Variants in DGCR2 observed in about 807,000 individuals in gnomAD.
The protein encoded by DGCR2 is integral membrane protein DGCR2/IDD.
Under a neutral mutation model 51.6 loss-of-function variants are expected in DGCR2, and 24 were observed. That is an observed-to-expected ratio of 0.47 (90% CI 0.34 to 0.65). DGCR2 has a LOEUF of 0.65. Among genes scored for constraint, DGCR2 ranks in the 30% least tolerant of loss-of-function variants. The pLI is 0.01. For synonymous variants in DGCR2, 340 were observed against 315.4 expected, an observed-to-expected ratio of 1.08 and a Z score of -0.82; for missense variants, 765 against 772.1, an observed-to-expected ratio of 0.99 and a Z score of 0.11.
chr22:19,057,187 C>A lies in DGCR2; in HGVS notation c.626-25G>T. The A allele has an allele frequency of 6.3e-7, 1 of 1,575,570 alleles. No individual in the cohort carries two copies. ...CCTGTTGGGGAGACAAAAGGTGGGG[C>A]TGGACAACATCACATCAGAGGACAA... On this transcript the variant is annotated intron_variant, in intron 5 of 9. Coordinates refer to ENST00000263196, the MANE Select transcript of DGCR2 (RefSeq NM_005137.3). The surrounding 1 kb of genome is among the most constrained non-coding windows in gnomAD (Gnocchi z 5.1).
intron 1 of DGCR2, among the ~76,000 whole-genome samples, chr22:19,100,477 A>G (rs772462926): frequency 1.3e-5 from 2 of 151,968 alleles, no homozygotes; most frequent in African/African-American, 2.4e-5. Context: ...CATCCTGGCT[A>G]ACATGGTGAA....
chr22:19,042,704 A>G (rs1332938592), intron 7 of DGCR2, among the ~76,000 whole-genome samples: 1 of 152,206 alleles, frequency 6.6e-6, no homozygotes, highest in Non-Finnish European at 1.5e-5. Flanking sequence ...GGGTAGTGAC[A>G]GACTGGGAGA....
chr22:19,050,958 G>A (rs906386491), intron 6 of DGCR2, among the ~76,000 whole-genome samples: 6 of 152,132 alleles, frequency 3.9e-5, no homozygotes, highest in Admixed American at 3.3e-4. Context: ...TGAGGCCGAG[G>A]TAGGTGGATC....
intron 2 of DGCR2, among the ~76,000 whole-genome samples, chr22:19,072,665 G>A (rs988241070): frequency 2.0e-5 from 3 of 152,158 alleles, no homozygotes; most frequent in South Asian, 2.1e-4. Context: ...ACAAGGTAAA[G>A]AGATCAAGAC....
In DGCR2 at chr22:19,122,371, T is replaced by C. The variant is rs952339354; in HGVS notation, c.-165A>G. 17 of 500,684 alleles carry C rather than the reference T, an allele frequency of 3.4e-5. No individual in the cohort carries two copies. The highest frequency in any genetic ancestry group is 1.6e-4 in the African/African-American group (8 of 48,676). 31.0% of individuals were successfully genotyped at this position (500,684 alleles called of 1,614,324 possible). On this transcript the variant is annotated 5_prime_UTR_variant, in exon 1 of 10. Coordinates refer to ENST00000263196, the MANE Select transcript of DGCR2 (RefSeq NM_005137.3). ...CTGGGCCGCGGGCTGGCGCACACTC[T>C]CGGCTGCAACCTCAGGCACCGACTC...
intron 1 of DGCR2, among the ~76,000 whole-genome samples, chr22:19,120,462 T>C (rs528426387): frequency 6.6e-6 from 1 of 152,318 alleles, no homozygotes; most frequent in African/African-American, 2.4e-5. Flanking sequence ...GAGGGGCTTG[T>C]TCTTGTCACT....
At chr22:19,116,743 G>A (rs917631817) in intron 1 of DGCR2, among the ~76,000 whole-genome samples, 2 of 152,040 alleles carry the variant, frequency 1.3e-5, no homozygotes, top group Non-Finnish European at 2.9e-5. Context: ...AATGCCAATC[G>A]GGTCGTCCTT....
In DGCR2 at chr22:19,119,993, G is replaced by A. The variant is rs565053753; in HGVS notation, c.79+2135C>T. On this transcript the variant is annotated intron_variant, in intron 1 of 9. Transcript: ENST00000263196. ...ACAGAAAGAACGCAGACTAAGACCA[G>A]AGAAGCCCCAGCCTCTTGCAAGCAC... Among the ~76,000 whole-genome samples the A allele has an allele frequency of 3.7e-3, 567 of 152,216 alleles. 2 individuals are homozygous for A. The highest frequency in any genetic ancestry group is 6.5e-3 in the Non-Finnish European group (443 of 68,014).
rs776069022 is a variant in DGCR2, at chr22:19,089,317, C to T, written c.202+51G>A. 9.2e-6 allele frequency: 14 copies of T among 1,513,520 alleles called. No homozygotes were observed. The Admixed American group carries it at 2.7e-4, about 29-fold the overall frequency. 93.8% of individuals were successfully genotyped at this position (1,513,520 alleles called of 1,614,324 possible). A position where few individuals can be genotyped will look rare whatever the true frequency, so the allele number is the denominator to read the frequency against. On this transcript the variant is annotated intron_variant, in intron 2 of 9. Transcript: ENST00000263196. The stretch of plus-strand genomic sequence containing the variant: ...CCTCACAAGAGGCACAGTCACCCAG[C>T]TACAACAAAGAGACAAGGTGGTGTG...
chr22:19,048,404 G>A, intron 7 of DGCR2, 36 bp downstream of exon 7: 8 of 1,610,688 alleles, frequency 5.0e-6, no homozygotes, highest in Non-Finnish European at 5.9e-6. Flanking sequence ...CCCCAAATAG[G>A]GAGGCTGACT....
At position 19,066,425 on chromosome 22, in the gene DGCR2, C is replaced by T. The variant is rs775634656; in HGVS notation, c.329-1358G>A. Among the ~76,000 whole-genome samples, 3 of 147,798 alleles carry T rather than the reference C, an allele frequency of 2.0e-5. 1 individual carries two copies. The highest frequency in any genetic ancestry group is 4.5e-5 in the Non-Finnish European group (3 of 66,886). ...TGTCTGAAAAAAAACAAACAAAAAA[C>T]AAACAAACAAAAAAAAACAAAACAA... On this transcript the variant is annotated intron_variant, in intron 3 of 9. Coordinates refer to ENST00000263196, the MANE Select transcript of DGCR2 (RefSeq NM_005137.3).
chr22:19,041,518 C>T, intron 8 of DGCR2: 1 of 609,490 alleles, frequency 1.6e-6, no homozygotes, highest in South Asian at 2.0e-5. Flanking sequence ...TGGGCTGACA[C>T]TTCTGTCAGA....
intron 2 of DGCR2, among the ~76,000 whole-genome samples, chr22:19,074,834 T>C (rs1350743421): frequency 6.6e-6 from 1 of 152,194 alleles, no homozygotes; most frequent in Non-Finnish European, 1.5e-5. Flanking sequence ...GAGCTGCCGC[T>C]GAGGCATCTA....
intron 7 of DGCR2, among the ~76,000 whole-genome samples, chr22:19,042,576 G>A (rs774535734): frequency 3.4e-4 from 52 of 152,236 alleles, no homozygotes; most frequent in Non-Finnish European, 5.7e-4. Context: ...CGCCCCTGCG[G>A]AGCATGGCTC....
At chr22:19,056,535 T>C in intron 6 of DGCR2, 1 of 395,048 alleles carries the variant, frequency 2.5e-6, no homozygotes, top group African/African-American at 2.5e-5. Context: ...CCAAAAGCAA[T>C]AGAGTTAGCT....
At chr22:19,077,464 T>C (rs1410247025) in intron 2 of DGCR2, among the ~76,000 whole-genome samples, 2 of 152,234 alleles carry the variant, frequency 1.3e-5, no homozygotes, top group Non-Finnish European at 2.9e-5. Flanking sequence ...TGAATGGTAA[T>C]GGCATCCTTG....
chr22:19,108,392 G>C (rs1003612480), intron 1 of DGCR2, among the ~76,000 whole-genome samples: 2 of 151,498 alleles, frequency 1.3e-5, no homozygotes, highest in Non-Finnish European at 2.9e-5. Flanking sequence ...GCAACACAGG[G>C]ATCCAGTCTC....
At chr22:19,046,019 T>C (rs5992354) in intron 7 of DGCR2, 62,757 of 152,050 alleles carry the variant, frequency 0.41, 13,392 homozygotes, top group African/African-American at 0.53. Flanking sequence ...CGAGACACCA[T>C]GCCTCGCTCC....
chr22:19,094,588 G>C (rs116471237), intron 1 of DGCR2, among the ~76,000 whole-genome samples: 1 of 152,326 alleles, frequency 6.6e-6, no homozygotes, highest in African/African-American at 2.4e-5. Flanking sequence ...CAATTTGACA[G>C]TTTCTTTAAA....
Sources: allele counts gnomAD v4.1 joint callset (sites outside exome capture counted in the v4.1 genomes callset), GRCh38; gene constraint gnomAD v4.1.1; non-coding constraint Gnocchi (gnomAD v3.1); transcripts MANE v1.5; gene names NCBI Gene and HGNC (gene_info 2026-07-23, HGNC 2026-07-21).